The following ARFIP2 variants were observed in gnomAD, a reference collection of about 807,000 sequenced individuals.
ARFIP2 encodes the protein arfaptin-2.
Under a neutral mutation model 39.2 loss-of-function variants are expected in ARFIP2, and 14 were observed. The ratio of observed to expected loss-of-function variants is 0.36; its 90% CI spans 0.24 to 0.56. The LOEUF is 0.56. Among genes scored for constraint, ARFIP2 ranks in the 20% least tolerant of loss-of-function variants. The pLI is 0.85. For synonymous variants in ARFIP2, 167 were observed against 172.4 expected, an observed-to-expected ratio of 0.97 and a Z score of 0.24; for missense variants, 305 against 422.5, an observed-to-expected ratio of 0.72 and a Z score of 2.44.
Position 6,478,533 on chromosome 11 carries a change from G to T in ARFIP2, c.537+205C>A. 7.0e-7 allele frequency: 1 copy of T among 1,420,484 alleles called. No individual in the cohort carries two copies. The highest frequency in any genetic ancestry group is 1.4e-5 in the African/African-American group (1 of 69,380). The allele number at this position is 1,420,484 out of a possible 1,614,324, so 88.0% of individuals were successfully genotyped here. On this transcript the variant is annotated intron_variant, in intron 5 of 7. Transcript: ENST00000396777. This position sits in a 1 kb window ranked among gnomAD's most constrained non-coding sequence, Gnocchi z 4.8. ...AGGGGTTATTTGTGAGGCACCTAGTGTGCCCCCTCCCCCACCCCCTCCAAC... is the reference window on the plus strand; with the variant it reads ...AGGGGTTATTTGTGAGGCACCTAGTTTGCCCCCTCCCCCACCCCCTCCAAC...
chr11:6,476,522 T>C lies in ARFIP2; in HGVS notation c.*591A>G, dbSNP rs1226568151. The C allele has an allele frequency of 6.5e-6, 1 of 152,866 alleles. No homozygotes were observed. Among genetic ancestry groups the C allele is most frequent in the East Asian group, 1.9e-4 (1 of 5,196 alleles). 9.5% of individuals were successfully genotyped at this position (152,866 alleles called of 1,614,324 possible). A position where few individuals can be genotyped will look rare whatever the true frequency, so the allele number is the denominator to read the frequency against. On this transcript the variant is annotated 3_prime_UTR_variant, in exon 8 of 8. Coordinates refer to ENST00000396777, the MANE Select transcript of ARFIP2 (RefSeq NM_001376558.2). ...GACAAATTGACCTCGCTGGGCCTGCTTTTATGAAAGGTTTATTCCTAGTGC... is the reference window on the plus strand; with the variant it reads ...GACAAATTGACCTCGCTGGGCCTGCCTTTATGAAAGGTTTATTCCTAGTGC...
chr11:6,480,673 C>T (rs1262058977), intron 1 of ARFIP2: 1 of 429,094 alleles, frequency 2.3e-6, no homozygotes, highest in Admixed American at 4.1e-5. Context: ...AAGCCCCCAA[C>T]CTCACCAGGA....
Position 6,477,565 on chromosome 11 carries a change from A to T in ARFIP2, c.870+153T>A, listed in dbSNP as rs1218672761. Among the ~76,000 whole-genome samples the T allele has an allele frequency of 6.6e-6, 1 of 151,964 alleles. No individual in the cohort carries two copies. The highest frequency in any genetic ancestry group is 6.5e-5 in the Admixed American group (1 of 15,274). ...CAGGAAAGGGCCAGGAATTGGAGGG[A>T]GGGTGATCTGGAAAGGCCCAGGGGT... On this transcript the variant is annotated intron_variant, in intron 7 of 7. Transcript: ENST00000396777. The surrounding 1 kb of genome is among the most constrained non-coding windows in gnomAD (Gnocchi z 4.8).
Position 6,478,296 on chromosome 11 carries a change from C to G in ARFIP2, c.538-98G>C, listed in dbSNP as rs1851316297. On this transcript the variant is annotated intron_variant, in intron 5 of 7. Coordinates refer to ENST00000396777, the MANE Select transcript of ARFIP2 (RefSeq NM_001376558.2). The surrounding 1 kb of genome is among the most constrained non-coding windows in gnomAD (Gnocchi z 4.8). ...CCCTCCTCCCCGGGGAGGACACAGC[C>G]AGCAAAACTGGAACAACCAAGGACT... 1 of 1,443,788 alleles carries G rather than the reference C, an allele frequency of 6.9e-7. No individual in the cohort carries two copies. Among genetic ancestry groups the G allele is most frequent in the Non-Finnish European group, 9.5e-7 (1 of 1,051,064 alleles). The allele number at this position is 1,443,788 out of a possible 1,614,324, so 89.4% of individuals were successfully genotyped here.
In ARFIP2 at chr11:6,477,357, C is replaced by A; in HGVS notation, c.871-89G>T. The stretch of plus-strand genomic sequence containing the variant: ...TGAGCCCAGGCACAGACCAGGGGCA[C>A]AAGGACTCTGCTCTGATGGTGCTTT... On this transcript the variant is annotated intron_variant, in intron 7 of 7. Coordinates refer to ENST00000396777, the MANE Select transcript of ARFIP2 (RefSeq NM_001376558.2). The surrounding 1 kb of genome is among the most constrained non-coding windows in gnomAD (Gnocchi z 4.8). 6.9e-7 allele frequency: 1 copy of A among 1,451,980 alleles called. No homozygotes were observed. 89.9% of individuals were successfully genotyped at this position (1,451,980 alleles called of 1,614,324 possible). A position where few individuals can be genotyped will look rare whatever the true frequency, so the allele number is the denominator to read the frequency against.
In ARFIP2 at chr11:6,480,113, C is replaced by A. The variant is rs1387901934; in HGVS notation, c.100-45G>T. ...GGTTGCTTCAGGAACATAGGGGCTG[C>A]AGAAGCATTTTGGAGGTGGGAACAA... On this transcript the variant is annotated intron_variant, in intron 2 of 7. Coordinates refer to ENST00000396777, the MANE Select transcript of ARFIP2 (RefSeq NM_001376558.2). 3 of 1,558,738 alleles carry A rather than the reference C, an allele frequency of 1.9e-6. No individual in the cohort carries two copies. In the East Asian group the frequency reaches 6.7e-5, roughly 35 times the overall value.
In ARFIP2 at chr11:6,476,878, A is replaced by C. The variant is rs1326489508; in HGVS notation, c.*235T>G. On this transcript the variant is annotated 3_prime_UTR_variant, in exon 8 of 8. Transcript: ENST00000396777. ...AGCCGTTGGCTGTGAAGTGGAAGGA[A>C]AAGATCTGGGAATGAAGCCCTGTGG... is the stretch of plus-strand genomic sequence containing the variant. 5 of 471,188 alleles carry C rather than the reference A, an allele frequency of 1.1e-5. No homozygotes were observed. The highest frequency in any genetic ancestry group is 1.9e-5 in the African/African-American group (1 of 51,500). 29.2% of individuals were successfully genotyped at this position (471,188 alleles called of 1,614,324 possible).
Position 6,477,362 on chromosome 11 carries a change from ACTCTG to A in ARFIP2, c.871-99_871-95del. Reference sequence around the variant, plus strand: ...CCAGGCACAGACCAGGGGCACAAGGACTCTGCTCTGATGGTGCTTTTGGGGTAGGG... The same window carrying A: ...CCAGGCACAGACCAGGGGCACAAGGACTCTGATGGTGCTTTTGGGGTAGGG... On this transcript the variant is annotated intron_variant, in intron 7 of 7. Coordinates refer to ENST00000396777, the MANE Select transcript of ARFIP2 (RefSeq NM_001376558.2). The surrounding 1 kb of genome is among the most constrained non-coding windows in gnomAD (Gnocchi z 4.8). 1.4e-6 allele frequency: 2 copies of A among 1,422,422 alleles called. No homozygotes were observed. Among genetic ancestry groups the A allele is most frequent in the Non-Finnish European group, 1.9e-6 (2 of 1,058,276 alleles). The allele number at this position is 1,422,422 out of a possible 1,614,324, so 88.1% of individuals were successfully genotyped here. A position where few individuals can be genotyped will look rare whatever the true frequency, so the allele number is the denominator to read the frequency against.
chr11:6,477,794 A>G lies in ARFIP2; in HGVS notation c.794T>C (p.Phe265Ser). 1 of 1,614,012 alleles carries G rather than the reference A, an allele frequency of 6.2e-7. No homozygotes were observed. Among genetic ancestry groups the G allele is most frequent in the Non-Finnish European group, 8.5e-7 (1 of 1,179,974 alleles). ...CTCATACTTGTCCCGATGGGCCTGG[A>G]AAGTGGCCTGGGCACTCTCAAGTCG... Reference protein sequence around the residue: ...RGRLESAQATFQAHRDKYEKL... With the variant: ...RGRLESAQATSQAHRDKYEKL... Residue 265 changes from phenylalanine to serine, a missense_variant, in exon 7 of 8, where the codon TTC becomes TCC. Transcript: ENST00000396777. The surrounding 1 kb of genome is among the most constrained non-coding windows in gnomAD (Gnocchi z 4.8).
chr11:6,480,090 TTGCTTCAGGAACATAGGG>T, intron 2 of ARFIP2, 22 bp from the exon 3 acceptor site: 1 of 1,603,632 alleles, frequency 6.2e-7, no homozygotes, highest in African/African-American at 1.3e-5. Context: ...AGAAGAGGGG[TTGCTTCAGGAACATAGGG>T]GCTGCAGAAG....
chr11:6,477,308 G>A lies in ARFIP2; in HGVS notation c.871-40C>T, dbSNP rs201024768. 9.4e-6 allele frequency: 15 copies of A among 1,594,570 alleles called. No individual in the cohort carries two copies. Among genetic ancestry groups the A allele is most frequent in the East Asian group, 4.5e-5 (2 of 44,414 alleles). ...GGGTCAGCTAAGGCTGGACTCAGGC[G>A]CCCTTCTTGAGGGTCTATGAGCCTG... On this transcript the variant is annotated intron_variant, in intron 7 of 7. Coordinates refer to ENST00000396777, the MANE Select transcript of ARFIP2 (RefSeq NM_001376558.2). The surrounding 1 kb of genome is among the most constrained non-coding windows in gnomAD (Gnocchi z 4.8).
Position 6,478,948 on chromosome 11 carries a change from T to C in ARFIP2, c.327A>G (p.Gln109=). The C allele has an allele frequency of 6.2e-7, 1 of 1,614,164 alleles. No individual in the cohort carries two copies. Residue 109 remains glutamine, a synonymous_variant, in exon 5 of 8, where the codon CAA becomes CAG. Transcript: ENST00000396777. This position sits in a 1 kb window ranked among gnomAD's most constrained non-coding sequence, Gnocchi z 4.8. ...CTCGACCAAATCGTTCTGATAACAG[T>C]TGCTTTGTGCACTGATTGGGAAATG... ...WGINTYKCTK[Q]LLSERFGRGS... is the part of the protein sequence containing the mutation.
Position 6,480,339 on chromosome 11 carries a change from T to A in ARFIP2, c.83A>T (p.Asp28Val). Residue 28 changes from aspartate (D) to valine (V), a missense_variant, in exon 2 of 8, where the codon GAT becomes GTT. Transcript: ENST00000396777. ...GNGEARQLPE[D>V]DGLEQDLQQV... Reference sequence around the variant, plus strand: ...CAGAAGCACCTGCTCCAGCCCATCATCTTCAGGAAGCTGCCTGGCTTCGCC... The same window carrying A: ...CAGAAGCACCTGCTCCAGCCCATCAACTTCAGGAAGCTGCCTGGCTTCGCC... The A allele has an allele frequency of 1.2e-6, 2 of 1,613,504 alleles. No homozygotes were observed. The highest frequency in any genetic ancestry group is 1.7e-6 in the Non-Finnish European group (2 of 1,179,746).
chr11:6,481,108 G>C, intron 1 of ARFIP2, 123 bp downstream of exon 1: 1 of 280,782 alleles, frequency 3.6e-6, no homozygotes, highest in South Asian at 4.1e-5. Flanking sequence ...GTGAGTCCCC[G>C]CCCCCACCCC....
At position 6,478,500 on chromosome 11, in the gene ARFIP2, G is replaced by C; in HGVS notation, c.537+238C>G. 7.5e-7 allele frequency: 1 copy of C among 1,325,446 alleles called. No individual in the cohort carries two copies. The highest frequency in any genetic ancestry group is 1.0e-6 in the Non-Finnish European group (1 of 999,556). The allele number at this position is 1,325,446 out of a possible 1,614,324, so 82.1% of individuals were successfully genotyped here. On this transcript the variant is annotated intron_variant, in intron 5 of 7. Coordinates refer to ENST00000396777, the MANE Select transcript of ARFIP2 (RefSeq NM_001376558.2). This position sits in a 1 kb window ranked among gnomAD's most constrained non-coding sequence, Gnocchi z 4.8. ...GCTGAGCACGAAGGCATTCTCCCCA[G>C]TGCAGAGAGGGGTTATTTGTGAGGC...
chr11:6,479,315 G>T (rs1470222921), intron 3 of ARFIP2, 57 bp from the exon 4 acceptor site: 2 of 1,612,584 alleles, frequency 1.2e-6, no homozygotes, highest in African/African-American at 1.3e-5. Context: ...ACACCTCTGT[G>T]GCCCCACCCA....
At chr11:6,479,302 C>A (rs1851470888) in intron 3 of ARFIP2, 44 bp from the exon 4 acceptor site, 2 of 1,613,458 alleles carry the variant, frequency 1.2e-6, no homozygotes, top group Non-Finnish European at 8.5e-7. Flanking sequence ...TCAGATACAC[C>A]AGACACCTCT....
chr11:6,481,004 A>C, intron 1 of ARFIP2: 1 of 188,718 alleles, frequency 5.3e-6, no homozygotes, highest in Admixed American at 5.7e-5. Flanking sequence ...GGCCTTAGTT[A>C]GATCAGTGGG....
At chr11:6,479,473 G>A (rs544458967) in intron 3 of ARFIP2, 5 of 836,216 alleles carry the variant, frequency 6.0e-6, no homozygotes, top group Non-Finnish European at 5.5e-6. Flanking sequence ...TTAGAGGAGG[G>A]GTTTGCAGGG....
Sources: allele counts gnomAD v4.1 joint callset (sites outside exome capture counted in the v4.1 genomes callset), GRCh38; gene constraint gnomAD v4.1.1; non-coding constraint Gnocchi (gnomAD v3.1); transcripts MANE v1.5; gene names NCBI Gene and HGNC (gene_info 2026-07-23, HGNC 2026-07-21).